The following PALMD variants were observed in gnomAD, a reference collection of about 807,000 sequenced individuals.
The protein encoded by PALMD is paralemmin-like protein.
PALMD carries 42 observed loss-of-function variants against 56.2 expected under a neutral mutation model. The ratio of observed to expected loss-of-function variants is 0.75; its 90% CI spans 0.58 to 0.97. PALMD has a LOEUF of 0.97. Among genes scored for constraint, PALMD ranks in the 50% least tolerant of loss-of-function variants. The pLI is 0.00. For synonymous variants in PALMD, 242 were observed against 222.9 expected (o/e 1.09, Z -0.76); for missense variants, 660 against 643.8 (o/e 1.03, Z -0.27).
At chr1:99,681,125 G>C (rs1039062460) in intron 3 of PALMD, among the ~76,000 whole-genome samples, 4 of 146,998 alleles carry the variant, frequency 2.7e-5, no homozygotes, top group African/African-American at 1.0e-4. Context: ...GTGTGTGTGT[G>C]TGTGTGTGTG....
In PALMD at chr1:99,694,124, T is replaced by A; in HGVS notation, c.*62T>A. On this transcript the variant is annotated 3_prime_UTR_variant, in exon 8 of 8. Coordinates refer to ENST00000263174, the MANE Select transcript of PALMD (RefSeq NM_017734.5). ...AAACTAAGAAGCATTTGCAAATTTC[T>A]CTTCTGGATATTTTGTTTATTTTTT... is the stretch of plus-strand genomic sequence containing the variant. 1 of 1,137,672 alleles carries A rather than the reference T, an allele frequency of 8.8e-7. No individual in the cohort carries two copies. Among genetic ancestry groups the A allele is most frequent in the Non-Finnish European group, 1.3e-6 (1 of 775,754 alleles). The allele number at this position is 1,137,672 out of a possible 1,614,324, so 70.5% of individuals were successfully genotyped here.
rs1046334476 is a variant in PALMD at position 99,694,186 on chromosome 1, T to C, written c.*124T>C. On this transcript the variant is annotated 3_prime_UTR_variant, in exon 8 of 8. Transcript: ENST00000263174. ...AAAATTATCATTACAGTGTACCATA[T>C]TAAGCCATGTGAATAAGTAGTAGTC... is the stretch of plus-strand genomic sequence containing the variant. The C allele has an allele frequency of 1.1e-5, 7 of 623,502 alleles. No homozygotes were observed. The Admixed American group carries it at 1.9e-4, about 17-fold the overall frequency. 38.6% of individuals were successfully genotyped at this position (623,502 alleles called of 1,614,324 possible).
In PALMD at chr1:99,662,411, C is replaced by A; in HGVS notation, c.126+12C>A. On this transcript the variant is annotated intron_variant, in intron 2 of 7. Coordinates refer to ENST00000263174, the MANE Select transcript of PALMD (RefSeq NM_017734.5). ...ACCAGCATTTGAAGGTAATTTATGG[C>A]TTTAATTTCATTTCAATGATTTTGT... The A allele has an allele frequency of 7.3e-7, 1 of 1,363,768 alleles. No homozygotes were observed. The highest frequency in any genetic ancestry group is 1.9e-5 in the Admixed American group (1 of 52,586). 84.5% of individuals were successfully genotyped at this position (1,363,768 alleles called of 1,614,324 possible).
chr1:99,667,519 C>T, intron 2 of PALMD, 123 bp from the exon 3 acceptor site: 1 of 812,914 alleles, frequency 1.2e-6, no homozygotes, highest in Non-Finnish European at 2.0e-6. Flanking sequence ...AGGCAAGGCA[C>T]TGACAGAAAA....
intron 7 of PALMD, among the ~76,000 whole-genome samples, chr1:99,692,560 A>T (rs1653672431): frequency 1.3e-5 from 2 of 152,186 alleles, no homozygotes; most frequent in South Asian, 4.1e-4. Context: ...GGCTTGAAAA[A>T]AGGAAAGAAA....
At chr1:99,655,419 A>G (rs1012111724) in intron 1 of PALMD, among the ~76,000 whole-genome samples, 3 of 152,180 alleles carry the variant, frequency 2.0e-5, no homozygotes, top group Non-Finnish European at 4.4e-5. Context: ...CTTTGTTTTT[A>G]GTCATCAACT....
intron 7 of PALMD, chr1:99,690,097 AT>A: frequency 2.0e-6 from 1 of 488,440 alleles, no homozygotes; most frequent in Non-Finnish European, 3.5e-6. Flanking sequence ...TTGATATTGT[AT>A]TGAGGAACTT....
Position 99,694,331 on chromosome 1 carries a change from C to T in PALMD, c.*269C>T, listed in dbSNP as rs964881378. 9 of 289,496 alleles carry T rather than the reference C, an allele frequency of 3.1e-5. No individual in the cohort carries two copies. The Admixed American group carries it at 3.9e-4, about 13-fold the overall frequency. The allele number at this position is 289,496 out of a possible 1,614,324, so 17.9% of individuals were successfully genotyped here. A position where few individuals can be genotyped will look rare whatever the true frequency, so the allele number is the denominator to read the frequency against. On this transcript the variant is annotated 3_prime_UTR_variant, in exon 8 of 8. Coordinates refer to ENST00000263174, the MANE Select transcript of PALMD (RefSeq NM_017734.5). ...TTATTCTATTGATACCAAAGCATTT[C>T]TAATAAGAGCTTGTTAAATTTAAGA...
intron 2 of PALMD, among the ~76,000 whole-genome samples, chr1:99,663,694 G>A (rs999980077): frequency 3.3e-5 from 5 of 152,102 alleles, no homozygotes; most frequent in Admixed American, 1.3e-4. Context: ...CCTTGAGAAT[G>A]GGCAATTGTT....
intron 1 of PALMD, among the ~76,000 whole-genome samples, chr1:99,649,347 T>C (rs896134584): frequency 2.6e-5 from 4 of 152,202 alleles, no homozygotes; most frequent in Non-Finnish European, 5.9e-5. Context: ...CTTGAACAAA[T>C]AGCTGATCTT....
At chr1:99,681,081 A>G (rs1205507067) in intron 3 of PALMD, among the ~76,000 whole-genome samples, 1 of 146,244 alleles carries the variant, frequency 6.8e-6, no homozygotes, top group Non-Finnish European at 1.5e-5. Context: ...TAGACTATAT[A>G]TATACATATA....
intron 2 of PALMD, among the ~76,000 whole-genome samples, chr1:99,666,781 A>G (rs1396476310): frequency 6.6e-6 from 1 of 152,196 alleles, no homozygotes; most frequent in African/African-American, 2.4e-5. Flanking sequence ...GATGTAGACT[A>G]CATGCTAATT....
Position 99,646,384 on chromosome 1 carries a change from A to C in PALMD, c.45+22A>C, listed in dbSNP as rs1234529591. On this transcript the variant is annotated intron_variant, in intron 1 of 7. Coordinates refer to ENST00000263174, the MANE Select transcript of PALMD (RefSeq NM_017734.5). ...CACAGTAAGTCTGCATACAGTTATA[A>C]CTCATTAACGTTGTTACTTAGAGGA... is the stretch of plus-strand genomic sequence containing the variant. 3.8e-6 allele frequency: 6 copies of C among 1,592,984 alleles called. 1 individual carries two copies. The South Asian group carries it at 6.6e-5, about 18-fold the overall frequency.
At chr1:99,687,296 T>C in intron 6 of PALMD, 107 bp downstream of exon 6, 2 of 1,262,740 alleles carry the variant, frequency 1.6e-6, no homozygotes, top group Non-Finnish European at 2.2e-6. Context: ...TAAGCAATGG[T>C]TCACTTTACA....
intron 3 of PALMD, among the ~76,000 whole-genome samples, chr1:99,675,138 G>A (rs1445013146): frequency 6.6e-6 from 1 of 152,168 alleles, no homozygotes; most frequent in African/African-American, 2.4e-5. Flanking sequence ...ATAGAGTCCT[G>A]TTCCTTGGTA....
intron 1 of PALMD, among the ~76,000 whole-genome samples, chr1:99,658,186 C>G (rs776848762): frequency 4.0e-5 from 6 of 151,652 alleles, no homozygotes; most frequent in Non-Finnish European, 8.8e-5. Flanking sequence ...TGCCTGTAAC[C>G]TCATCTACTT....
At position 99,694,253 on chromosome 1, in the gene PALMD, G is replaced by T; in HGVS notation, c.*191G>T. On this transcript the variant is annotated 3_prime_UTR_variant, in exon 8 of 8. Coordinates refer to ENST00000263174, the MANE Select transcript of PALMD (RefSeq NM_017734.5). ...TCCCAAAAAGCTGGGGAAAACAAAT[G>T]TGTAACTTTTCCAGTTACTTGACAC... 8.6e-6 allele frequency: 4 copies of T among 466,454 alleles called. No individual in the cohort carries two copies. Among genetic ancestry groups the T allele is most frequent in the Non-Finnish European group, 1.6e-5 (4 of 257,498 alleles). 28.9% of individuals were successfully genotyped at this position (466,454 alleles called of 1,614,324 possible). A position where few individuals can be genotyped will look rare whatever the true frequency, so the allele number is the denominator to read the frequency against.
intron 1 of PALMD, among the ~76,000 whole-genome samples, chr1:99,649,094 G>A (rs1038579052): frequency 6.6e-5 from 10 of 152,238 alleles, no homozygotes; most frequent in African/African-American, 2.4e-4. Context: ...AATTGTTCAA[G>A]GGTAGATACT....
rs1557673151 is a variant in PALMD, at chr1:99,681,153, G to GAGAGAGAGA, written c.252-5523_252-5522insAGAGAGAGA. ...TGTGTGTGTATGTATATATATATAT[G>GAGAGAGAGA]TATAGAGCCCGGACTTTAATCCTTG... is the stretch of plus-strand genomic sequence containing the variant. On this transcript the variant is annotated intron_variant, in intron 3 of 7. Transcript: ENST00000263174. Among the ~76,000 whole-genome samples, 615 of 146,366 alleles carry GAGAGAGAGA rather than the reference G, an allele frequency of 4.2e-3. 6 individuals carry two copies. Among genetic ancestry groups the GAGAGAGAGA allele is most frequent in the African/African-American group, 0.016 (592 of 36,734 alleles).
Sources: allele counts gnomAD v4.1 joint callset (sites outside exome capture counted in the v4.1 genomes callset), GRCh38; gene constraint gnomAD v4.1.1; transcripts MANE v1.5; gene names NCBI Gene and HGNC (gene_info 2026-07-23, HGNC 2026-07-21).